NCK1: variants seen among roughly 807,000 people sequenced by gnomAD.
NCK1 encodes the protein SH2/SH3 adapter protein NCK1.
A neutral mutation model predicts 36.6 loss-of-function variants in NCK1; 19 were observed. That is an observed-to-expected ratio of 0.52 (90% CI 0.36 to 0.76). The LOEUF (loss-of-function observed/expected upper bound fraction) is 0.76, where lower values mean the gene tolerates loss of function less well. Among genes scored for constraint, NCK1 ranks in the 30% least tolerant of loss-of-function variants. The pLI is 0.00. For missense variants in NCK1, 358 were observed against 445.6 expected (o/e 0.80, Z 1.77); for synonymous variants, 165 against 156.0 (o/e 1.06, Z -0.43).
At chr3:136,864,670 A>G (rs970458146) in intron 1 of NCK1, among the ~76,000 whole-genome samples, 16 of 152,142 alleles carry the variant, frequency 1.1e-4, no homozygotes, top group African/African-American at 3.9e-4. Context: ...CCCTGTCTCT[A>G]AATTAAGAAA....
At chr3:136,915,238 C>G (rs986947904) in intron 1 of NCK1, among the ~76,000 whole-genome samples, 2 of 152,140 alleles carry the variant, frequency 1.3e-5, no homozygotes, top group Non-Finnish European at 2.9e-5. Flanking sequence ...AATGGAGATA[C>G]ATGGATTCAT....
At chr3:136,944,645 T>C (rs1463292023) in intron 2 of NCK1, among the ~76,000 whole-genome samples, 1 of 152,060 alleles carries the variant, frequency 6.6e-6, no homozygotes, top group Non-Finnish European at 1.5e-5. Flanking sequence ...TCAGGAAAGA[T>C]AGTATTAAGA....
chr3:136,867,301 C>T (rs887347079), intron 1 of NCK1: 11 of 150,890 alleles, frequency 7.3e-5, no homozygotes, highest in African/African-American at 9.8e-5. Flanking sequence ...GACAGGATCT[C>T]GCTCTGTTGC....
chr3:136,887,088 C>T (rs2108083802), intron 1 of NCK1, among the ~76,000 whole-genome samples: 1 of 152,260 alleles, frequency 6.6e-6, no homozygotes, highest in Non-Finnish European at 1.5e-5. Context: ...AGGTGATCCA[C>T]CTGCTTTGGC....
At chr3:136,862,850 G>C (rs1323248613) in intron 1 of NCK1, among the ~76,000 whole-genome samples, 4 of 151,424 alleles carry the variant, frequency 2.6e-5, no homozygotes, top group African/African-American at 9.7e-5. Flanking sequence ...TTCGGGACGC[G>C]CCCTCTCCCC....
At chr3:136,892,831 T>C (rs1463360007) in intron 1 of NCK1, among the ~76,000 whole-genome samples, 1 of 152,156 alleles carries the variant, frequency 6.6e-6, no homozygotes, top group African/African-American at 2.4e-5. Context: ...TTTATTTCAG[T>C]AGGTTTTTGG....
intron 1 of NCK1, among the ~76,000 whole-genome samples, chr3:136,913,429 T>C (rs1448560084): frequency 6.6e-6 from 1 of 152,000 alleles, no homozygotes; most frequent in Non-Finnish European, 1.5e-5. Context: ...CCACTATGCC[T>C]GCCTAATGTT....
intron 1 of NCK1, among the ~76,000 whole-genome samples, chr3:136,876,841 C>T (rs1335148478): frequency 6.6e-6 from 1 of 152,114 alleles, no homozygotes; most frequent in African/African-American, 2.4e-5. Flanking sequence ...GATCTCCCTT[C>T]CTGCCTAAGA....
chr3:136,868,099 T>A (rs1417973942), intron 1 of NCK1, among the ~76,000 whole-genome samples: 1 of 151,752 alleles, frequency 6.6e-6, no homozygotes, highest in African/African-American at 2.4e-5. Flanking sequence ...GTATTTTTAG[T>A]AGAGATGGGT....
chr3:136,891,666 G>A (rs912400023), intron 1 of NCK1, among the ~76,000 whole-genome samples: 1 of 152,116 alleles, frequency 6.6e-6, no homozygotes, highest in African/African-American at 2.4e-5. Context: ...AGTGCACAAG[G>A]GTTCTAATTT....
chr3:136,921,371 CAT>C (rs998934086), intron 1 of NCK1, among the ~76,000 whole-genome samples: 62 of 152,278 alleles, frequency 4.1e-4, no homozygotes, highest in African/African-American at 1.3e-3. Context: ...AAAAGTAAGA[CAT>C]AGGATCTAGG....
intron 2 of NCK1, among the ~76,000 whole-genome samples, chr3:136,940,645 A>G (rs1940647139): frequency 6.6e-6 from 1 of 152,044 alleles, no homozygotes; most frequent in Admixed American, 6.6e-5. Context: ...CCCAGGTTCA[A>G]GCGATTCTTC....
rs1485372670 is a variant in NCK1, at chr3:136,867,113, TTTCTTTGTTTCTTTCTTTCC to T, written c.-19+4764_-19+4783del. On this transcript the variant is annotated intron_variant, in intron 1 of 3. Transcript: ENST00000481752. The stretch of plus-strand genomic sequence containing the variant: ...CTTTCTTTCTTTCTTTCTTTCTTTC[TTTCTTTGTTTCTTTCTTTCC>T]TTCCTTCCTTCCTTCCTTCCTTCCT... Among the ~76,000 whole-genome samples the T allele has an allele frequency of 8.3e-3, 240 of 29,004 alleles. 9 individuals are homozygous for T. The highest frequency in any genetic ancestry group is 0.019 in the East Asian group (13 of 688). 19.0% of individuals were successfully genotyped at this position (29,004 alleles called of 152,430 possible).
At chr3:136,881,759 GTACCTCAT>G (rs1938944148) in intron 1 of NCK1, among the ~76,000 whole-genome samples, 2 of 152,084 alleles carry the variant, frequency 1.3e-5, no homozygotes, top group African/African-American at 4.8e-5. Context: ...TTTGCTCTAT[GTACCTCAT>G]ATAAATGGAA....
rs928975149 is a variant in NCK1 at position 136,882,141 on chromosome 3, A to G, written c.-19+19788A>G. Among the ~76,000 whole-genome samples the G allele has an allele frequency of 2.6e-5, 4 of 152,062 alleles. No homozygotes were observed. In the East Asian group the frequency reaches 7.7e-4, roughly 29 times the overall value. ...GCTGCACCATTTTACATTACCACCAACCGTGCATAAGAGTTCCAATATCAT... is the reference window on the plus strand; with the variant it reads ...GCTGCACCATTTTACATTACCACCAGCCGTGCATAAGAGTTCCAATATCAT... On this transcript the variant is annotated intron_variant, in intron 1 of 3. Coordinates refer to ENST00000481752, the MANE Select transcript of NCK1 (RefSeq NM_001291999.2).
chr3:136,948,463 C>A lies in NCK1; in HGVS notation c.*10C>A. 6.2e-7 allele frequency: 1 copy of A among 1,604,400 alleles called. No homozygotes were observed. ...CAAGCATTTATCATGATACTGCTGACCAGAAGTGACTGCTGTGTAGCTGTA... is the reference window on the plus strand; with the variant it reads ...CAAGCATTTATCATGATACTGCTGAACAGAAGTGACTGCTGTGTAGCTGTA... On this transcript the variant is annotated 3_prime_UTR_variant, in exon 4 of 4. Coordinates refer to ENST00000481752, the MANE Select transcript of NCK1 (RefSeq NM_001291999.2).
intron 1 of NCK1, among the ~76,000 whole-genome samples, chr3:136,901,214 A>G (rs1334319220): frequency 4.2e-4 from 62 of 147,342 alleles, no homozygotes; most frequent in Non-Finnish European, 1.5e-5. Context: ...ATATTTGTTG[A>G]TTTGTGTAAC....
intron 1 of NCK1, among the ~76,000 whole-genome samples, chr3:136,923,238 T>A (rs977734567): frequency 7.9e-5 from 12 of 151,884 alleles, no homozygotes; most frequent in African/African-American, 2.9e-4. Context: ...TAAAAAAAAA[T>A]AGAAACATAA....
At chr3:136,899,297 C>T (rs1256428734) in intron 1 of NCK1, 2 of 242,130 alleles carry the variant, frequency 8.3e-6, no homozygotes, top group South Asian at 6.2e-5. Context: ...TCTCTTTTGG[C>T]GAGGACTGAG....
Sources: gnomAD v4.1 joint callset for allele counts (sites outside exome capture counted in the v4.1 genomes callset) on GRCh38, gnomAD v4.1.1 for gene constraint, MANE v1.5 for transcripts, NCBI Gene and HGNC (gene_info 2026-07-23, HGNC 2026-07-21) for gene names.